The following CLSTN2 variants were observed in gnomAD, a reference collection of about 807,000 sequenced individuals.
CLSTN2 encodes the protein calsyntenin-2.
In CLSTN2, 48 loss-of-function variants were observed where a neutral mutation model predicts 101.2. That is an observed-to-expected ratio of 0.47 (90% CI 0.38 to 0.60). The LOEUF is 0.60. Among genes scored for constraint, CLSTN2 ranks in the 20% least tolerant of loss-of-function variants. CLSTN2 has a pLI of 0.00. For missense variants in CLSTN2, 1,160 were observed against 1,238.2 expected, an observed-to-expected ratio of 0.94 and a Z score of 0.95; for synonymous variants, 481 against 463.6, an observed-to-expected ratio of 1.04 and a Z score of -0.48.
intron 2 of CLSTN2, among the ~76,000 whole-genome samples, chr3:140,203,960 G>A (rs1256880015): frequency 6.6e-6 from 1 of 152,208 alleles, no homozygotes; most frequent in African/African-American, 2.4e-5. Flanking sequence ...GGAGGAGGCA[G>A]CTAGGACCAC....
At position 140,575,624 on chromosome 3, in the gene CLSTN2, A is replaced by T. The variant is rs1985708382; in HGVS notation, c.*9371A>T. On this transcript the variant is annotated 3_prime_UTR_variant, in exon 17 of 17. Transcript: ENST00000458420. ...GTATAGAAAAGAAATTGCATGTAGA[A>T]GTTGTTTGTTCTCAAAGAAATCTGT... 6.6e-6 allele frequency: 1 copy of T among 152,320 alleles called. No individual in the cohort carries two copies. Among genetic ancestry groups the T allele is most frequent in the Non-Finnish European group, 1.5e-5 (1 of 68,030 alleles). 9.4% of individuals were successfully genotyped at this position (152,320 alleles called of 1,614,324 possible). A position where few individuals can be genotyped will look rare whatever the true frequency, so the allele number is the denominator to read the frequency against.
chr3:140,123,383 A>G (rs1419825836), intron 1 of CLSTN2, among the ~76,000 whole-genome samples: 1 of 152,124 alleles, frequency 6.6e-6, no homozygotes, highest in Non-Finnish European at 1.5e-5. Context: ...GGGAATGCAA[A>G]CATTTAGACT....
At chr3:140,347,967 A>T (rs2087565955) in intron 2 of CLSTN2, among the ~76,000 whole-genome samples, 1 of 152,218 alleles carries the variant, frequency 6.6e-6, no homozygotes, top group Admixed American at 6.5e-5. Flanking sequence ...GGATGCTCTG[A>T]TGAGTTAGCA....
chr3:139,986,602 T>C (rs1323533685), intron 1 of CLSTN2, among the ~76,000 whole-genome samples: 2 of 152,232 alleles, frequency 1.3e-5, no homozygotes, highest in East Asian at 1.9e-4. Context: ...TCCACCCAGA[T>C]TATTCAGCGC....
chr3:140,240,245 CAT>C lies in CLSTN2; in HGVS notation c.232+64180_232+64181del, dbSNP rs564732946. ...ACATATATATATATGCATATATACACATATATATACATATATACACATATATA... is the reference window on the plus strand; with the variant it reads ...ACATATATATATATGCATATATACACATATATACATATATACACATATATA... On this transcript the variant is annotated intron_variant, in intron 2 of 16. Coordinates refer to ENST00000458420, the MANE Select transcript of CLSTN2 (RefSeq NM_022131.3). 3.1e-4 allele frequency among the ~76,000 whole-genome samples: 33 copies of C among 105,160 alleles called. No individual in the cohort carries two copies. The South Asian group carries it at 8.9e-3, about 28-fold the overall frequency. The allele number at this position is 105,160 out of a possible 152,430, so 69.0% of individuals were successfully genotyped here.
intron 2 of CLSTN2, among the ~76,000 whole-genome samples, chr3:140,258,740 C>T (rs551465752): frequency 2.0e-5 from 3 of 152,254 alleles, no homozygotes; most frequent in South Asian, 2.1e-4. Flanking sequence ...AAGACCTCTT[C>T]GGGTTTTAAC....
At chr3:140,279,011 T>C (rs1341877774) in intron 2 of CLSTN2, among the ~76,000 whole-genome samples, 2 of 152,184 alleles carry the variant, frequency 1.3e-5, no homozygotes, top group African/African-American at 2.4e-5. Context: ...TGAGCCACCA[T>C]GCCTGCTCTC....
At chr3:140,029,865 C>G (rs1274895175) in intron 1 of CLSTN2, among the ~76,000 whole-genome samples, 1 of 152,186 alleles carries the variant, frequency 6.6e-6, no homozygotes, top group Non-Finnish European at 1.5e-5. Flanking sequence ...TCATCAAACA[C>G]TGAGATCTCC....
At chr3:139,940,000 T>C (rs1357872122) in intron 1 of CLSTN2, among the ~76,000 whole-genome samples, 10 of 152,172 alleles carry the variant, frequency 6.6e-5, no homozygotes, top group African/African-American at 1.7e-4. Flanking sequence ...TACTCAAGAT[T>C]TGGCCTTCCA....
intron 4 of CLSTN2, among the ~76,000 whole-genome samples, chr3:140,416,526 A>G (rs1174821873): frequency 1.3e-5 from 2 of 152,074 alleles, no homozygotes; most frequent in African/African-American, 2.4e-5. Context: ...TGTCAGTCAT[A>G]CCTCCATAAA....
intron 2 of CLSTN2, among the ~76,000 whole-genome samples, chr3:140,301,989 T>C (rs1286378499): frequency 1.3e-5 from 2 of 152,204 alleles, no homozygotes; most frequent in Non-Finnish European, 2.9e-5. Context: ...GCAAATATAT[T>C]TTTAAGAAGG....
intron 16 of CLSTN2, 83 bp downstream of exon 16, chr3:140,564,228 C>A: frequency 7.9e-7 from 1 of 1,260,088 alleles, no homozygotes; most frequent in South Asian, 1.3e-5. Flanking sequence ...CTAAAGCAGC[C>A]CCATACCCCC....
intron 1 of CLSTN2, among the ~76,000 whole-genome samples, chr3:140,103,960 A>G (rs2009010916): frequency 6.6e-6 from 1 of 152,238 alleles, no homozygotes. Context: ...GACATGATTG[A>G]TGGAGAAAGG....
chr3:140,232,937 G>A (rs1056621173), intron 2 of CLSTN2, among the ~76,000 whole-genome samples: 3 of 151,882 alleles, frequency 2.0e-5, no homozygotes, highest in Admixed American at 6.6e-5. Flanking sequence ...CCTCCCCTCC[G>A]TCGTGCCCTG....
intron 1 of CLSTN2, among the ~76,000 whole-genome samples, chr3:140,129,168 C>CT (rs11337346): frequency 1.3e-5 from 2 of 151,216 alleles, no homozygotes; most frequent in Non-Finnish European, 2.9e-5. Context: ...ATTCCTACCA[C>CT]TTTTTTTTTT....
intron 1 of CLSTN2, among the ~76,000 whole-genome samples, chr3:139,953,476 G>A (rs1441448356): frequency 4.6e-5 from 7 of 152,128 alleles, no homozygotes; most frequent in African/African-American, 1.7e-4. Context: ...CTCTGCTCAT[G>A]CCTTTTTCGT....
chr3:140,250,992 TGACTG>T (rs1207336331), intron 2 of CLSTN2, among the ~76,000 whole-genome samples: 14 of 152,224 alleles, frequency 9.2e-5, no homozygotes, highest in African/African-American at 3.4e-4. Context: ...TTTTCCTCAC[TGACTG>T]GTTTCCATGT....
intron 2 of CLSTN2, among the ~76,000 whole-genome samples, chr3:140,203,479 T>G (rs1168591506): frequency 3.0e-4 from 44 of 146,206 alleles, no homozygotes; most frequent in African/African-American, 9.5e-4. Flanking sequence ...TTTTTTTTTT[T>G]TTTTTTTTTT....
intron 8 of CLSTN2, among the ~76,000 whole-genome samples, chr3:140,521,892 C>T (rs1370641861): frequency 6.6e-6 from 1 of 152,174 alleles, no homozygotes; most frequent in Non-Finnish European, 1.5e-5. Context: ...CTGCTTGGCT[C>T]CCTGGATAGA....
Sources: gnomAD v4.1 joint callset for allele counts (sites outside exome capture counted in the v4.1 genomes callset) on GRCh38, gnomAD v4.1.1 for gene constraint, MANE v1.5 for transcripts, NCBI Gene and HGNC (gene_info 2026-07-23, HGNC 2026-07-21) for gene names.